The following GALNT7 variants were observed in gnomAD, a reference collection of about 807,000 sequenced individuals.
GALNT7 encodes the protein N-acetylgalactosaminyltransferase 7.
GALNT7 carries 60 observed loss-of-function variants against 82.1 expected under a neutral mutation model. The observed-to-expected ratio is 0.73, with a 90% CI of 0.59 to 0.91. The LOEUF (loss-of-function observed/expected upper bound fraction) is 0.91. Ranked by LOEUF, GALNT7 falls within the 40% of genes least tolerant of loss-of-function variation. The pLI is 0.00. For missense variants in GALNT7, 660 were observed against 804.2 expected (o/e 0.82, Z 2.17); for synonymous variants, 243 against 275.1 (o/e 0.88, Z 1.15).
intron 1 of GALNT7, among the ~76,000 whole-genome samples, chr4:173,182,056 T>C (rs1032876058): frequency 6.6e-6 from 1 of 152,250 alleles, no homozygotes; most frequent in African/African-American, 2.4e-5. Context: ...AACAGTAAGA[T>C]AAAAGTAAAT....
intron 2 of GALNT7, among the ~76,000 whole-genome samples, chr4:173,270,687 T>C (rs566504010): frequency 4.6e-5 from 7 of 152,258 alleles, no homozygotes; most frequent in Non-Finnish European, 1.0e-4. Flanking sequence ...TTTGGAACAT[T>C]ATACTGGAAT....
At chr4:173,200,467 A>G (rs189670021) in intron 1 of GALNT7, among the ~76,000 whole-genome samples, 71 of 152,216 alleles carry the variant, frequency 4.7e-4, no homozygotes, top group Non-Finnish European at 9.1e-4. Context: ...AAAAAAGAAT[A>G]TCTCGCTTTA....
intron 2 of GALNT7, among the ~76,000 whole-genome samples, chr4:173,263,003 G>T (rs1001935030): frequency 6.6e-6 from 1 of 152,134 alleles, no homozygotes; most frequent in East Asian, 1.9e-4. Flanking sequence ...TTAAATATGG[G>T]TACCATTTGG....
intron 3 of GALNT7, among the ~76,000 whole-genome samples, chr4:173,293,014 A>G (rs188993427): frequency 1.6e-4 from 24 of 152,302 alleles, no homozygotes; most frequent in Admixed American, 5.2e-4. Flanking sequence ...TTTCATTAAA[A>G]TACTATTTCT....
intron 2 of GALNT7, among the ~76,000 whole-genome samples, chr4:173,261,512 G>A (rs1051541361): frequency 2.0e-5 from 3 of 151,894 alleles, no homozygotes; most frequent in East Asian, 1.9e-4. Context: ...ACCCTTTAAC[G>A]TGCTTAAAAA....
rs150677176 is a variant in GALNT7 at position 173,307,371 on chromosome 4, C to T, written c.1389+3253C>T. Among the ~76,000 whole-genome samples the T allele has an allele frequency of 5.3e-3, 811 of 152,298 alleles. 10 individuals carry two copies. The highest frequency in any genetic ancestry group is 0.019 in the African/African-American group (779 of 41,552). ...TCGCTACTGTATTGATAACAGAATG[C>T]GAGGTACCAGATGTTTGTGAGACAG... On this transcript the variant is annotated intron_variant, in intron 8 of 11. Coordinates refer to ENST00000265000, the MANE Select transcript of GALNT7 (RefSeq NM_017423.3).
Position 173,314,183 on chromosome 4 carries a change from A to C in GALNT7, c.1608+7A>C. Reference sequence around the variant, plus strand: ...AAATGTTGACTGGGGAGAAGTAAGTAGTCACATCTCAAAATGTATGTGTTT... The same window carrying C: ...AAATGTTGACTGGGGAGAAGTAAGTCGTCACATCTCAAAATGTATGTGTTT... On this transcript the variant is annotated splice_region_variant and intron_variant, in intron 9 of 11. Transcript: ENST00000265000. 1 of 1,529,442 alleles carries C rather than the reference A, an allele frequency of 6.5e-7. No individual in the cohort carries two copies. The highest frequency in any genetic ancestry group is 9.1e-7 in the Non-Finnish European group (1 of 1,102,916). 94.7% of individuals were successfully genotyped at this position (1,529,442 alleles called of 1,614,324 possible). A position where few individuals can be genotyped will look rare whatever the true frequency, so the allele number is the denominator to read the frequency against.
At chr4:173,215,578 A>T (rs1733419173) in intron 1 of GALNT7, among the ~76,000 whole-genome samples, 1 of 152,048 alleles carries the variant, frequency 6.6e-6, no homozygotes, top group Non-Finnish European at 1.5e-5. Flanking sequence ...CCGACTGGGG[A>T]TCAGAGCTGT....
chr4:173,272,872 C>T (rs1735779101), intron 2 of GALNT7, among the ~76,000 whole-genome samples: 1 of 152,172 alleles, frequency 6.6e-6, no homozygotes, highest in Non-Finnish European at 1.5e-5. Flanking sequence ...ATTACATACT[C>T]TTTTCCATAT....
intron 1 of GALNT7, among the ~76,000 whole-genome samples, chr4:173,193,197 T>A (rs188130925): frequency 6.6e-6 from 1 of 152,360 alleles, no homozygotes; most frequent in African/African-American, 2.4e-5. Context: ...GAGACGTGCC[T>A]GTTCTTCCTG....
chr4:173,312,899 A>C (rs1737442663), intron 8 of GALNT7, among the ~76,000 whole-genome samples: 1 of 151,994 alleles, frequency 6.6e-6, no homozygotes, highest in Non-Finnish European at 1.5e-5. Context: ...TCCCTACTAA[A>C]AGTACAGAAA....
chr4:173,279,286 GA>G (rs563768754), intron 2 of GALNT7, among the ~76,000 whole-genome samples: 11 of 152,192 alleles, frequency 7.2e-5, no homozygotes, highest in African/African-American at 2.6e-4. Context: ...AGAGAGAGTG[GA>G]GGGTAAGCTA....
chr4:173,212,683 G>A (rs114358966), intron 1 of GALNT7, among the ~76,000 whole-genome samples: 2,053 of 150,746 alleles, frequency 0.014, 30 homozygotes, highest in South Asian at 0.025. Flanking sequence ...GTAATATCAT[G>A]TTAAGGTATA....
intron 1 of GALNT7, among the ~76,000 whole-genome samples, chr4:173,176,004 C>T (rs923530723): frequency 6.6e-6 from 1 of 151,704 alleles, no homozygotes; most frequent in Admixed American, 6.6e-5. Context: ...AGCCAGGAGG[C>T]GGAGGTTGCA....
At chr4:173,221,106 A>G (rs983613182) in intron 1 of GALNT7, among the ~76,000 whole-genome samples, 8 of 151,252 alleles carry the variant, frequency 5.3e-5, no homozygotes, top group African/African-American at 1.9e-4. Context: ...GAACTAGTTT[A>G]CAGTCCCACC....
intron 2 of GALNT7, among the ~76,000 whole-genome samples, chr4:173,284,293 TGTCCAGG>T (rs1199422077): frequency 5.9e-5 from 9 of 152,232 alleles, no homozygotes; most frequent in Non-Finnish European, 4.4e-5. Context: ...AATGACAAAA[TGTCCAGG>T]GTGGTTACAG....
chr4:173,184,609 G>A (rs1170627192), intron 1 of GALNT7, among the ~76,000 whole-genome samples: 3 of 145,882 alleles, frequency 2.1e-5, no homozygotes, highest in South Asian at 4.6e-4. Context: ...CGGCATCAGA[G>A]GGAGACCAGG....
intron 1 of GALNT7, among the ~76,000 whole-genome samples, chr4:173,191,235 G>A (rs1245005753): frequency 6.6e-6 from 1 of 152,018 alleles, no homozygotes; most frequent in African/African-American, 2.4e-5. Flanking sequence ...GATGGGGGGG[G>A]TACTTGGCTG....
chr4:173,221,891 C>T (rs189439802), intron 1 of GALNT7, among the ~76,000 whole-genome samples: 3 of 152,292 alleles, frequency 2.0e-5, no homozygotes, highest in Admixed American at 1.3e-4. Flanking sequence ...TTAATTACTA[C>T]TGGTCAGAGA....
Sources: allele counts gnomAD v4.1 joint callset (sites outside exome capture counted in the v4.1 genomes callset), GRCh38; gene constraint gnomAD v4.1.1; transcripts MANE v1.5; gene names NCBI Gene and HGNC (gene_info 2026-07-23, HGNC 2026-07-21).